REXO5: variants seen among roughly 807,000 people sequenced by gnomAD.
The protein encoded by REXO5 is RNA exonuclease 5.
REXO5 carries 48 observed loss-of-function variants against 88.5 expected under a neutral mutation model. The ratio of observed to expected loss-of-function variants is 0.54; its 90% CI spans 0.43 to 0.69. The LOEUF (loss-of-function observed/expected upper bound fraction) is 0.69, where lower values mean the gene tolerates loss of function less well. REXO5 is among the 30% of genes least tolerant of loss of function. The pLI, the probability that REXO5 is intolerant of heterozygous loss-of-function variation, is 0.00. For synonymous variants in REXO5, 311 were observed against 336.5 expected (o/e 0.92, Z 0.83); for missense variants, 749 against 912.2 (o/e 0.82, Z 2.30).
Position 20,827,502 on chromosome 16 carries a change from A to G in REXO5, c.1055+55A>G, listed in dbSNP as rs377753603. The G allele has an allele frequency of 8.7e-4, 1,135 of 1,309,094 alleles. 3 individuals are homozygous for G. The highest frequency in any genetic ancestry group is 1.9e-3 in the Middle Eastern group (10 of 5,348). 81.1% of individuals were successfully genotyped at this position (1,309,094 alleles called of 1,614,324 possible). On this transcript the variant is annotated intron_variant, in intron 10 of 19. Coordinates refer to ENST00000261377, the MANE Select transcript of REXO5 (RefSeq NM_030941.3). ...TCTGACAAACTGCATACAAGTTAGC[A>G]TGTAGTATCTAATTTAATGCATATT...
chr16:20,824,473 A>T lies in REXO5; in HGVS notation c.651A>T (p.Lys217Asn). ...FPDCENFLLT[K>N]CNGSIADNSP... ...ATTGTGAAAACTTTTTACTTACCAA[A>T]TGTAATGGTTCTATAGCAGACAATA... Residue 217 changes from lysine (K) to asparagine (N), a missense_variant, in exon 7 of 20, where the codon AAA becomes AAT. Transcript: ENST00000261377. The T allele has an allele frequency of 6.2e-7, 1 of 1,611,226 alleles. No homozygotes were observed. Among genetic ancestry groups the T allele is most frequent in the Non-Finnish European group, 8.5e-7 (1 of 1,177,950 alleles).
intron 5 of REXO5, 88 bp downstream of exon 5, chr16:20,816,300 T>C: frequency 8.9e-7 from 1 of 1,118,922 alleles, no homozygotes; most frequent in Non-Finnish European, 1.3e-6. Context: ...AAAACTCAAT[T>C]CTAACTAGCT....
At chr16:20,844,984 G>A (rs1399000832) in intron 17 of REXO5, 70 bp from the exon 18 acceptor site, 1 of 1,576,218 alleles carries the variant, frequency 6.3e-7, no homozygotes, top group Non-Finnish European at 8.6e-7. Context: ...TTTGACCCTG[G>A]CCAGGCAGCT....
chr16:20,844,663 G>T lies in REXO5; in HGVS notation c.1754G>T (p.Cys585Phe). The change falls in exon 17 of 20, where the codon TGT becomes TTT. Residue 585 changes from cysteine (C) to phenylalanine (F), a missense_variant. Transcript: ENST00000261377. ...CCTGTGACAGAGCTCACGCTTGATT[G>T]TGACACCCTCGTGAATGAGCTGGAA... Reference protein sequence around the residue: ...QRPVTELTLDCDTLVNELEGD... With the variant: ...QRPVTELTLDFDTLVNELEGD... The T allele has an allele frequency of 6.2e-7, 1 of 1,614,162 alleles. No homozygotes were observed. The highest frequency in any genetic ancestry group is 8.5e-7 in the Non-Finnish European group (1 of 1,180,014).
At chr16:20,823,344 C>A (rs565355684) in intron 6 of REXO5, 13 of 152,106 alleles carry the variant, frequency 8.5e-5, no homozygotes, top group Non-Finnish European at 1.8e-4. Context: ...GTACTAAGTG[C>A]CTTTTTGTAC....
chr16:20,829,275 C>A (rs12919860), intron 11 of REXO5, among the ~76,000 whole-genome samples: 94,358 of 151,868 alleles, frequency 0.62, 30,411 homozygotes, highest in Non-Finnish European at 0.72. Flanking sequence ...TAAGCACTAT[C>A]CTGGTGGTGT....
At chr16:20,836,267 T>G (rs2152509484) in intron 13 of REXO5, among the ~76,000 whole-genome samples, 1 of 152,326 alleles carries the variant, frequency 6.6e-6, no homozygotes, top group Non-Finnish European at 1.5e-5. Flanking sequence ...AATAGTTTCA[T>G]TGGCCTAAAA....
rs750049489 is a variant in REXO5 at position 20,825,870 on chromosome 16, C to T, written c.743C>T (p.Ser248Leu). The T allele has an allele frequency of 4.6e-5, 74 of 1,613,990 alleles. No homozygotes were observed. The highest frequency in any genetic ancestry group is 6.0e-5 in the Non-Finnish European group (71 of 1,179,994). The change falls in exon 8 of 20, where the codon TCA becomes TTA. Residue 248 changes from serine (S) to leucine (L), a missense_variant. Transcript: ENST00000261377. The stretch of plus-strand genomic sequence containing the variant: ...AAGGGGAGAGAGCTAACACGCATCT[C>T]ACTGGTTGCTGAAGGAGGCTGCTGT... ...TSKGRELTRISLVAEGGCCVM... is the reference protein window; with the variant it reads ...TSKGRELTRILLVAEGGCCVM...
intron 2 of REXO5, among the ~76,000 whole-genome samples, chr16:20,807,758 C>A (rs992228839): frequency 1.4e-4 from 21 of 147,264 alleles, no homozygotes; most frequent in African/African-American, 2.0e-4. Flanking sequence ...AAACAAAAAA[C>A]AAAACAAAAA....
At chr16:20,822,053 A>T (rs2081193772) in intron 6 of REXO5, 151 bp downstream of exon 6, 1 of 789,820 alleles carries the variant, frequency 1.3e-6, no homozygotes, top group South Asian at 2.9e-5. Context: ...TCTTCGGCAC[A>T]GTGTATCTCA....
At position 20,806,588 on chromosome 16, in the gene REXO5, C is replaced by A; in HGVS notation, c.-120C>A. 1 of 1,450,364 alleles carries A rather than the reference C, an allele frequency of 6.9e-7. No individual in the cohort carries two copies. Among genetic ancestry groups the A allele is most frequent in the Non-Finnish European group, 9.1e-7 (1 of 1,099,208 alleles). The allele number at this position is 1,450,364 out of a possible 1,614,324, so 89.8% of individuals were successfully genotyped here. On this transcript the variant is annotated 5_prime_UTR_variant, in exon 1 of 20. Transcript: ENST00000261377. ...TGCTCCCCGCCCGTCTTCTCTTCTG[C>A]GTTTCCCGGGCTAGGGGGCGTGGGG...
At chr16:20,838,653 C>T (rs2081476349) in intron 13 of REXO5, among the ~76,000 whole-genome samples, 1 of 152,150 alleles carries the variant, frequency 6.6e-6, no homozygotes, top group Non-Finnish European at 1.5e-5. Flanking sequence ...TCTCTTTCTT[C>T]CCCTGGTTTC....
intron 7 of REXO5, among the ~76,000 whole-genome samples, chr16:20,824,760 A>T (rs546394452): frequency 6.6e-6 from 1 of 152,322 alleles, no homozygotes; most frequent in South Asian, 2.1e-4. Flanking sequence ...CTGTAATCCC[A>T]GCACTTTGGG....
At chr16:20,843,106 G>A (rs187767202) in intron 15 of REXO5, among the ~76,000 whole-genome samples, 36 of 152,262 alleles carry the variant, frequency 2.4e-4, no homozygotes, top group Admixed American at 3.9e-4. Context: ...GTTGAGTGTC[G>A]CAGGCAATTT....
At chr16:20,812,654 T>TA (rs1279477568) in intron 2 of REXO5, among the ~76,000 whole-genome samples, 6 of 152,218 alleles carry the variant, frequency 3.9e-5, no homozygotes, top group African/African-American at 1.2e-4. Context: ...ATCTGGCTCC[T>TA]GCTTCCCTCT....
At chr16:20,819,447 C>CTTTTTTTTT (rs35337424) in intron 5 of REXO5, among the ~76,000 whole-genome samples, 2 of 123,456 alleles carry the variant, frequency 1.6e-5, no homozygotes, top group Non-Finnish European at 3.3e-5. Context: ...TTCTTTCCTC[C>CTTTTTTTTT]TTTTTTTTTT....
chr16:20,843,422 A>G (rs1264204713), intron 15 of REXO5, among the ~76,000 whole-genome samples: 2 of 152,142 alleles, frequency 1.3e-5, no homozygotes, highest in East Asian at 3.9e-4. Flanking sequence ...CCTGCCTTTG[A>G]TGTCATATTC....
rs1048874255 is a variant in REXO5 at position 20,845,459 on chromosome 16, G to A, written c.2124+218G>A. Among the ~76,000 whole-genome samples the A allele has an allele frequency of 5.9e-5, 9 of 151,998 alleles. No individual in the cohort carries two copies. The East Asian group carries it at 7.7e-4, about 13-fold the overall frequency. ...TTTTTAGTCTTCCAGATCTCCAAGG[G>A]ACTTTGAAGGACAAAGGCAGGAAGT... On this transcript the variant is annotated intron_variant, in intron 18 of 19. Transcript: ENST00000261377.
At chr16:20,846,433 G>C (rs1010984419) in intron 19 of REXO5, 94 bp downstream of exon 19, 13 of 834,804 alleles carry the variant, frequency 1.6e-5, no homozygotes, top group Non-Finnish European at 2.6e-5. Context: ...TAGGCACATA[G>C]TGAGGACTTA....
Sources: gnomAD v4.1 joint callset for allele counts (sites outside exome capture counted in the v4.1 genomes callset) on GRCh38, gnomAD v4.1.1 for gene constraint, MANE v1.5 for transcripts, NCBI Gene and HGNC (gene_info 2026-07-23, HGNC 2026-07-21) for gene names.